PDK1: variants seen among roughly 807,000 people sequenced by gnomAD.
PDK1 encodes pyruvate dehydrogenase kinase 1.
In PDK1, 39 loss-of-function variants were observed where a neutral mutation model predicts 54.2. The observed-to-expected ratio is 0.72, with a 90% CI of 0.56 to 0.94. The LOEUF is 0.94. PDK1 is among the 40% of genes least tolerant of loss of function. The pLI is 0.00. For missense variants in PDK1, 552 were observed against 566.0 expected (o/e 0.98, Z 0.25); for synonymous variants, 221 against 207.1 (o/e 1.07, Z -0.58).
chr2:172,668,675 T>C, the PDK1 span, among the ~76,000 whole-genome samples: 2 of 151,402 alleles, frequency 1.3e-5, no homozygotes, highest in African/African-American at 2.4e-5. Context: ...GTTTTATTGA[T>C]TGGCCACCAG....
chr2:172,555,755 G>A (rs757620521), upstream of PDK1: 1 of 165,328 alleles, frequency 6.0e-6, no homozygotes, highest in Non-Finnish European at 1.3e-5. Flanking sequence ...GGAAGGGGAC[G>A]CTCCATACCG....
At chr2:172,590,816 G>C (rs888666642) in intron 9 of PDK1, among the ~76,000 whole-genome samples, 1 of 115,842 alleles carries the variant, frequency 8.6e-6, no homozygotes, top group African/African-American at 4.3e-5. Flanking sequence ...CAAACCTTTA[G>C]CTAGACACAG....
At chr2:172,662,884 C>T in the PDK1 span, among the ~76,000 whole-genome samples, 11 of 152,108 alleles carry the variant, frequency 7.2e-5, 1 homozygote, top group Non-Finnish European at 1.2e-4. Context: ...AAAAGACCTC[C>T]CCTGATAAAC....
chr2:172,650,244 C>T, the PDK1 span, among the ~76,000 whole-genome samples: 395 of 151,954 alleles, frequency 2.6e-3, 1 homozygote, highest in Admixed American at 3.9e-3. Flanking sequence ...AATTAAGCTT[C>T]ATAAGGAGAA....
At chr2:172,666,595 C>T in the PDK1 span, among the ~76,000 whole-genome samples, 6 of 152,022 alleles carry the variant, frequency 3.9e-5, no homozygotes, top group Non-Finnish European at 7.4e-5. Context: ...AGCAGGGGTA[C>T]GAGCTGGAGT....
In PDK1 at chr2:172,600,392, G is replaced by A. The variant is rs1227669158; in HGVS notation, c.*4423G>A. On this transcript the variant is annotated 3_prime_UTR_variant, in exon 11 of 11. Coordinates refer to ENST00000282077, the MANE Select transcript of PDK1 (RefSeq NM_002610.5). ...GGATGGGACAGAGAAAAATATGTCT[G>A]TATTACAGCATAAACATATCTGGTT... 3.3e-5 allele frequency: 5 copies of A among 152,266 alleles called. No individual in the cohort carries two copies. The highest frequency in any genetic ancestry group is 6.5e-5 in the Admixed American group (1 of 15,294). 9.4% of individuals were successfully genotyped at this position (152,266 alleles called of 1,614,324 possible).
At chr2:172,704,088 TA>T in the PDK1 span, among the ~76,000 whole-genome samples, 10 of 152,258 alleles carry the variant, frequency 6.6e-5, no homozygotes, top group South Asian at 4.2e-4. Flanking sequence ...TTTTCTCTTG[TA>T]ATTGCTTTCA....
chr2:172,668,285 T>A, the PDK1 span, among the ~76,000 whole-genome samples: 7 of 151,616 alleles, frequency 4.6e-5, no homozygotes, highest in Non-Finnish European at 8.8e-5. Context: ...TTTATTTTTT[T>A]TTTTTTTTGG....
At chr2:172,703,766 CTTT>C in the PDK1 span, among the ~76,000 whole-genome samples, 89 of 89,106 alleles carry the variant, frequency 1.0e-3, no homozygotes, top group Middle Eastern at 9.6e-3. Context: ...TTCTTTCTTT[CTTT>C]TTTTTTTTTT....
the PDK1 span, among the ~76,000 whole-genome samples, chr2:172,702,508 AG>A: frequency 4.0e-5 from 6 of 149,924 alleles, no homozygotes; most frequent in Non-Finnish European, 7.4e-5. Flanking sequence ...GGGATTTGCC[AG>A]GGCCTCTTTC....
rs1399952371 is a variant in PDK1 at position 172,604,439 on chromosome 2, C to T, written c.*8470C>T. On this transcript the variant is annotated 3_prime_UTR_variant, in exon 11 of 11. Transcript: ENST00000282077. ...TAGTTTTCAGCTTACAGATTCCGCG[C>T]ATATTTTGTTAGACTTAAATCTAAG... The T allele has an allele frequency of 6.6e-6, 1 of 152,092 alleles. No individual in the cohort carries two copies. The highest frequency in any genetic ancestry group is 1.9e-4 in the East Asian group (1 of 5,196). The allele number at this position is 152,092 out of a possible 1,614,324, so 9.4% of individuals were successfully genotyped here.
intron 2 of PDK1, among the ~76,000 whole-genome samples, chr2:172,559,052 G>T (rs1161532276): frequency 1.3e-5 from 2 of 152,128 alleles, no homozygotes; most frequent in Non-Finnish European, 2.9e-5. Context: ...GGGTTCAGGC[G>T]ATTCTCCTGC....
chr2:172,652,760 C>T, the PDK1 span, among the ~76,000 whole-genome samples: 2 of 152,142 alleles, frequency 1.3e-5, no homozygotes, highest in Non-Finnish European at 2.9e-5. Context: ...ATCCCACTTA[C>T]AAGGGATGTG....
At chr2:172,640,536 C>T in the PDK1 span, among the ~76,000 whole-genome samples, 6 of 152,236 alleles carry the variant, frequency 3.9e-5, no homozygotes, top group East Asian at 1.2e-3. Context: ...TGTTTACAGA[C>T]CCAAACAATT....
chr2:172,636,345 C>T, the PDK1 span, among the ~76,000 whole-genome samples: 1 of 152,084 alleles, frequency 6.6e-6, no homozygotes, highest in Non-Finnish European at 1.5e-5. Context: ...GCCCACATTA[C>T]ATGGTGAGAG....
chr2:172,599,199 C>T lies in PDK1; in HGVS notation c.*3230C>T, dbSNP rs956342107. 2 of 151,530 alleles carry T rather than the reference C, an allele frequency of 1.3e-5. No individual in the cohort carries two copies. The highest frequency in any genetic ancestry group is 2.4e-5 in the African/African-American group (1 of 41,224). 9.4% of individuals were successfully genotyped at this position (151,530 alleles called of 1,614,324 possible). The stretch of plus-strand genomic sequence containing the variant: ...GTCTTAATTTAACCAGCATTACCCT[C>T]TGCTTGTACCAATTGAATGGCAGAA... On this transcript the variant is annotated 3_prime_UTR_variant, in exon 11 of 11. Coordinates refer to ENST00000282077, the MANE Select transcript of PDK1 (RefSeq NM_002610.5).
rs1157029990 is a variant in PDK1, at chr2:172,597,858, A to C, written c.*1889A>C. ...TCTGGAAAATACACTGAGTTGAAAC[A>C]CTTCATCCTTGGAAGGATTATATAA... is the stretch of plus-strand genomic sequence containing the variant. On this transcript the variant is annotated 3_prime_UTR_variant, in exon 11 of 11. Transcript: ENST00000282077. The C allele has an allele frequency of 6.6e-6, 1 of 152,246 alleles. No individual in the cohort carries two copies. The highest frequency in any genetic ancestry group is 6.5e-5 in the Admixed American group (1 of 15,286). 9.4% of individuals were successfully genotyped at this position (152,246 alleles called of 1,614,324 possible). A position where few individuals can be genotyped will look rare whatever the true frequency, so the allele number is the denominator to read the frequency against.
Position 172,570,805 on chromosome 2 carries a change from A to G in PDK1, c.926A>G (p.Asn309Ser), listed in dbSNP as rs887572837. 11 of 1,604,710 alleles carry G rather than the reference A, an allele frequency of 6.9e-6. No individual in the cohort carries two copies. The highest frequency in any genetic ancestry group is 6.8e-6 in the Non-Finnish European group (8 of 1,171,970). Residue 309 changes from asparagine (N) to serine (S), a missense_variant, in exon 8 of 11, where the codon AAT becomes AGT. By Grantham distance (46) the Asn-to-Ser change is conservative (BLOSUM62 1). Transcript: ENST00000282077. ...ATTCAAGTTCATGTCACGCTGGGTA[A>G]TGAGGATTTGACTGTGAAGGTAAAT... ...PPIQVHVTLG[N>S]EDLTVKMSDR... is the part of the protein sequence containing the mutation.
chr2:172,643,147 GT>G, the PDK1 span, among the ~76,000 whole-genome samples: 677 of 152,284 alleles, frequency 4.4e-3, 5 homozygotes, highest in Non-Finnish European at 7.4e-3. Flanking sequence ...GGAATGTCAT[GT>G]TTGTTATAAG....
Sources: gnomAD v4.1 joint callset for allele counts (sites outside exome capture counted in the v4.1 genomes callset) on GRCh38, gnomAD v4.1.1 for gene constraint, MANE v1.5 for transcripts, NCBI Gene and HGNC (gene_info 2026-07-23, HGNC 2026-07-21) for gene names.